Variants in AKT3 observed in about 807,000 individuals in gnomAD.
AKT3 encodes AKT serine/threonine kinase 3.
In AKT3, 15 loss-of-function variants were observed where a neutral mutation model predicts 65.3. The observed-to-expected ratio is 0.23, with a 90% CI of 0.15 to 0.35. AKT3 has a LOEUF of 0.35. Among genes scored for constraint, AKT3 ranks in the 10% least tolerant of loss-of-function variants. The pLI is 1.00. For synonymous variants in AKT3, 206 were observed against 183.8 expected, an observed-to-expected ratio of 1.12 and a Z score of -0.98; for missense variants, 243 against 576.5, an observed-to-expected ratio of 0.42 and a Z score of 5.92.
intron 12 of AKT3, among the ~76,000 whole-genome samples, chr1:243,544,499 T>C (rs1248921393): frequency 6.6e-6 from 1 of 151,992 alleles, no homozygotes; most frequent in Non-Finnish European, 1.5e-5. Context: ...ATGCCTGCAG[T>C]CCGAGCTACT....
At chr1:243,640,519 A>G (rs886556853) in intron 5 of AKT3, among the ~76,000 whole-genome samples, 6 of 152,210 alleles carry the variant, frequency 3.9e-5, no homozygotes, top group Non-Finnish European at 8.8e-5. Context: ...TCTCTCTTGG[A>G]AAGCTCTAGA....
intron 3 of AKT3, among the ~76,000 whole-genome samples, chr1:243,673,677 G>A (rs1027099196): frequency 2.7e-5 from 4 of 146,390 alleles, no homozygotes; most frequent in African/African-American, 5.1e-5. Context: ...GCAGTGGCGC[G>A]ATCTCGGCTC....
chr1:243,600,079 T>C (rs529146894), intron 8 of AKT3, among the ~76,000 whole-genome samples: 3 of 152,214 alleles, frequency 2.0e-5, no homozygotes, highest in African/African-American at 7.2e-5. Context: ...AAAATAATTA[T>C]AAAGTATCCC....
chr1:243,539,411 TAATC>T (rs1361081884), intron 12 of AKT3, among the ~76,000 whole-genome samples: 2 of 152,326 alleles, frequency 1.3e-5, no homozygotes, highest in East Asian at 1.9e-4. Flanking sequence ...AAATATGTGT[TAATC>T]AACTGTTCAT....
At chr1:243,802,768 G>A (rs1175252975) in intron 2 of AKT3, among the ~76,000 whole-genome samples, 1 of 152,148 alleles carries the variant, frequency 6.6e-6, no homozygotes, top group African/African-American at 2.4e-5. Flanking sequence ...CATACAGTTG[G>A]TTACCAAAAG....
chr1:243,527,715 A>G (rs1328566801), intron 12 of AKT3, among the ~76,000 whole-genome samples: 2 of 152,172 alleles, frequency 1.3e-5, no homozygotes, highest in Admixed American at 6.5e-5. Context: ...TCTTAATAAG[A>G]AGGCAGAACT....
chr1:243,658,396 C>T (rs943122026), intron 4 of AKT3, among the ~76,000 whole-genome samples: 2 of 151,930 alleles, frequency 1.3e-5, no homozygotes, highest in African/African-American at 2.4e-5. Flanking sequence ...ATCAAAACCA[C>T]GATGAAATAT....
At chr1:243,690,130 A>G (rs566879263) in intron 3 of AKT3, among the ~76,000 whole-genome samples, 1 of 152,182 alleles carries the variant, frequency 6.6e-6, no homozygotes, top group Non-Finnish European at 1.5e-5. Context: ...ATTCTAGGAG[A>G]GGCTTCTTAG....
At chr1:243,507,582 T>A (rs1016357816) in intron 13 of AKT3, among the ~76,000 whole-genome samples, 1 of 152,204 alleles carries the variant, frequency 6.6e-6, no homozygotes, top group African/African-American at 2.4e-5. Context: ...TCGGAGCCTG[T>A]CAATGTACAC....
chr1:243,540,155 T>A (rs956905237), intron 12 of AKT3, among the ~76,000 whole-genome samples: 4 of 152,140 alleles, frequency 2.6e-5, no homozygotes, highest in African/African-American at 9.7e-5. Flanking sequence ...GAAAAGAAGA[T>A]GACATAGTAA....
rs2148267056 is a variant in AKT3, at chr1:243,489,081, A to T, written c.*7-631T>A. 6.2e-7 allele frequency: 1 copy of T among 1,613,386 alleles called. No individual in the cohort carries two copies. The highest frequency in any genetic ancestry group is 8.5e-7 in the Non-Finnish European group (1 of 1,179,994). ...GCTGGTGCAGCTCCTCAGCAAGCAG[A>T]ACCAGCTTCTCCTGGAGAGGCAGAG... is the stretch of plus-strand genomic sequence containing the variant. On this transcript the variant is annotated intron_variant, in intron 13 of 13. Coordinates refer to the AKT3 transcript ENST00000336199.
At chr1:243,662,385 G>A (rs1023744182) in intron 4 of AKT3, among the ~76,000 whole-genome samples, 1 of 152,058 alleles carries the variant, frequency 6.6e-6, no homozygotes, top group Non-Finnish European at 1.5e-5. Flanking sequence ...CATAAAAAAT[G>A]ATGAGTTCAT....
At chr1:243,534,824 A>T (rs1210172132) in intron 12 of AKT3, among the ~76,000 whole-genome samples, 2 of 152,326 alleles carry the variant, frequency 1.3e-5, no homozygotes, top group East Asian at 3.9e-4. Flanking sequence ...AATTTGTGAG[A>T]TACAGTTAAA....
At chr1:243,786,645 A>G (rs916835812) in intron 2 of AKT3, among the ~76,000 whole-genome samples, 4 of 151,892 alleles carry the variant, frequency 2.6e-5, no homozygotes, top group African/African-American at 9.7e-5. Flanking sequence ...ATAAAAGTAA[A>G]CCAGTCAATC....
At chr1:243,499,695 G>C (rs747461445), downstream of AKT3, 1 of 1,327,776 alleles carries the variant, frequency 7.5e-7, no homozygotes, top group Non-Finnish European at 1.1e-6. Context: ...CAGCAAATGA[G>C]AAGACAAATA....
At chr1:243,525,578 A>G (rs536753477) in intron 12 of AKT3, among the ~76,000 whole-genome samples, 12 of 150,580 alleles carry the variant, frequency 8.0e-5, no homozygotes, top group Admixed American at 2.7e-4. Context: ...CAAATGGAAA[A>G]ACCTAAAATA....
chr1:243,780,659 AAAAG>A (rs1690850030), intron 2 of AKT3, among the ~76,000 whole-genome samples: 2 of 151,750 alleles, frequency 1.3e-5, no homozygotes, highest in South Asian at 2.1e-4. Context: ...AGAAGAGGAA[AAAAG>A]AAAGATAATA....
intron 6 of AKT3, among the ~76,000 whole-genome samples, chr1:243,628,223 C>T (rs560961431): frequency 6.6e-5 from 10 of 152,170 alleles, no homozygotes; most frequent in South Asian, 6.2e-4. Context: ...CTAACGAGTA[C>T]CAATAACAAA....
At chr1:243,702,845 G>A (rs952396653) in intron 2 of AKT3, 2 of 152,092 alleles carry the variant, frequency 1.3e-5, no homozygotes, top group Admixed American at 6.6e-5. Context: ...AAAGAAAAGA[G>A]CAGAAGTCAG....
Sources: gnomAD v4.1 joint callset for allele counts (sites outside exome capture counted in the v4.1 genomes callset) on GRCh38, gnomAD v4.1.1 for gene constraint, MANE v1.5 for transcripts, NCBI Gene and HGNC (gene_info 2026-07-23, HGNC 2026-07-21) for gene names.